PDE7B: variants seen among roughly 807,000 people sequenced by gnomAD.
PDE7B encodes phosphodiesterase 7B, also known as 3',5'-cyclic-AMP phosphodiesterase 7B.
A neutral mutation model predicts 56.2 loss-of-function variants in PDE7B; 29 were observed. That is an observed-to-expected ratio of 0.52 (90% CI 0.38 to 0.70). The LOEUF is 0.70. Ranked by LOEUF, PDE7B falls within the 30% of genes least tolerant of loss-of-function variation. The pLI, the probability that PDE7B is intolerant of heterozygous loss-of-function variation, is 0.00. For missense variants in PDE7B, 490 were observed against 565.0 expected (o/e 0.87, Z 1.35); for synonymous variants, 197 against 196.9 (o/e 1.00, Z 0.00).
At chr6:135,986,240 G>A (rs1437368731) in intron 2 of PDE7B, among the ~76,000 whole-genome samples, 1 of 152,178 alleles carries the variant, frequency 6.6e-6, no homozygotes, top group African/African-American at 2.4e-5. Context: ...TGAAATGAGA[G>A]TAATTTCAGT....
chr6:136,037,440 A>G lies in PDE7B; in HGVS notation c.83-71291A>G, dbSNP rs529621098. 38 of 985,326 alleles carry G rather than the reference A, an allele frequency of 3.9e-5. No homozygotes were observed. In the South Asian group the frequency reaches 1.4e-3, roughly 35 times the overall value. The allele number at this position is 985,326 out of a possible 1,614,324, so 61.0% of individuals were successfully genotyped here. Reference sequence around the variant, plus strand: ...ATAGGTTTGCCGAGAACCAAATGACACAAGGGGGAGGGATGTGGAGAAGGA... The same window carrying G: ...ATAGGTTTGCCGAGAACCAAATGACGCAAGGGGGAGGGATGTGGAGAAGGA... On this transcript the variant is annotated intron_variant, in intron 2 of 12. Transcript: ENST00000308191.
chr6:136,175,789 T>C (rs1778967308), intron 9 of PDE7B, among the ~76,000 whole-genome samples: 1 of 152,132 alleles, frequency 6.6e-6, no homozygotes, highest in Non-Finnish European at 1.5e-5. Context: ...AGGAAGTATT[T>C]GTAGATAAAA....
At chr6:135,865,490 A>G (rs906515046) in intron 1 of PDE7B, among the ~76,000 whole-genome samples, 3 of 152,164 alleles carry the variant, frequency 2.0e-5, no homozygotes, top group Non-Finnish European at 4.4e-5. Flanking sequence ...GCAAATCATT[A>G]TAAAACTTTT....
At chr6:136,003,114 C>A (rs1278030912) in intron 2 of PDE7B, among the ~76,000 whole-genome samples, 4 of 152,092 alleles carry the variant, frequency 2.6e-5, no homozygotes, top group South Asian at 4.2e-4. Context: ...GGGTACATAA[C>A]GAAATGAAGG....
At chr6:135,953,114 A>AT (rs1774729079) in intron 2 of PDE7B, among the ~76,000 whole-genome samples, 1 of 152,130 alleles carries the variant, frequency 6.6e-6, no homozygotes, top group African/African-American at 2.4e-5. Flanking sequence ...ATATTATAGT[A>AT]TTTTATTAAG....
Position 136,192,085 on chromosome 6 carries a change from A to T in PDE7B, c.*245A>T, listed in dbSNP as rs911800971. 9 of 519,742 alleles carry T rather than the reference A, an allele frequency of 1.7e-5. No individual in the cohort carries two copies. Among genetic ancestry groups the T allele is most frequent in the Middle Eastern group, 5.3e-4 (1 of 1,890 alleles). The allele number at this position is 519,742 out of a possible 1,614,324, so 32.2% of individuals were successfully genotyped here. ...ATTCAGTAACGTGGGAGCTGATCCC[A>T]CGGGCAGGCTCTCCCTGCTCCAGGA... is the stretch of plus-strand genomic sequence containing the variant. On this transcript the variant is annotated 3_prime_UTR_variant, in exon 13 of 13. Coordinates refer to ENST00000308191, the MANE Select transcript of PDE7B (RefSeq NM_018945.4).
Position 136,190,939 on chromosome 6 carries a change from G to A in PDE7B, c.1127-675G>A, listed in dbSNP as rs76948796. 6.3e-3 allele frequency among the ~76,000 whole-genome samples: 954 copies of A among 150,358 alleles called. 27 individuals are homozygous for A. The highest frequency in any genetic ancestry group is 0.05 in the East Asian group (254 of 5,062). The stretch of plus-strand genomic sequence containing the variant: ...TGAATTATGCAGCTGATCTAAATTC[G>A]TGAGGTGTCCTTTTCTGGTGTCATT... On this transcript the variant is annotated intron_variant, in intron 12 of 12. Transcript: ENST00000308191.
chr6:136,080,838 TATGGCG>T (rs1187928197), intron 2 of PDE7B, among the ~76,000 whole-genome samples: 3 of 152,116 alleles, frequency 2.0e-5, no homozygotes, highest in Admixed American at 2.0e-4. Flanking sequence ...AGAAGCAAGA[TATGGCG>T]ATGAATGCTA....
At chr6:136,005,123 A>G (rs2128206502) in intron 2 of PDE7B, among the ~76,000 whole-genome samples, 1 of 152,194 alleles carries the variant, frequency 6.6e-6, no homozygotes, top group South Asian at 2.1e-4. Context: ...CTATTTAATA[A>G]ATGGTGCTGG....
At chr6:136,190,017 T>C (rs2128452617) in intron 12 of PDE7B, among the ~76,000 whole-genome samples, 1 of 152,356 alleles carries the variant, frequency 6.6e-6, no homozygotes, top group South Asian at 2.1e-4. Flanking sequence ...TTTTAAAATG[T>C]TGGATATTTA....
intron 1 of PDE7B, among the ~76,000 whole-genome samples, chr6:135,853,302 G>A (rs969918608): frequency 2.0e-5 from 3 of 152,104 alleles, no homozygotes; most frequent in Non-Finnish European, 4.4e-5. Flanking sequence ...AAAATTAACT[G>A]CATAAGACTG....
At chr6:135,895,139 AAG>A (rs1775875424) in intron 1 of PDE7B, among the ~76,000 whole-genome samples, 1 of 152,156 alleles carries the variant, frequency 6.6e-6, no homozygotes, top group African/African-American at 2.4e-5. Flanking sequence ...ATAAAAAAAA[AAG>A]GAGTTAGATA....
chr6:135,962,889 G>A (rs1774931046), intron 2 of PDE7B, among the ~76,000 whole-genome samples: 2 of 152,252 alleles, frequency 1.3e-5, no homozygotes, highest in South Asian at 2.1e-4. Context: ...AGATCAACAT[G>A]CCACCCATTG....
At chr6:135,996,896 C>A (rs865941450) in intron 2 of PDE7B, among the ~76,000 whole-genome samples, 1 of 152,092 alleles carries the variant, frequency 6.6e-6, no homozygotes, top group African/African-American at 2.4e-5. Flanking sequence ...CACAGGGATG[C>A]TGTGAAGATT....
chr6:136,131,960 T>C (rs1410394087), intron 3 of PDE7B, among the ~76,000 whole-genome samples: 1 of 152,214 alleles, frequency 6.6e-6, no homozygotes, highest in Non-Finnish European at 1.5e-5. Context: ...TAAACACTCG[T>C]ATTTATGAAT....
intron 2 of PDE7B, among the ~76,000 whole-genome samples, chr6:136,049,793 A>C (rs1045869560): frequency 5.3e-5 from 8 of 152,206 alleles, no homozygotes; most frequent in African/African-American, 1.7e-4. Context: ...GAAACAGAAA[A>C]AGACATTAGT....
rs1389505470 is a variant in PDE7B, at chr6:136,193,834, T to C, written c.*1994T>C. ...AGGTTCAGGGGAAATTTTGGAAAGT[T>C]GGTTGTATTTTCATTGAAGTAGGAG... On this transcript the variant is annotated 3_prime_UTR_variant, in exon 13 of 13. Transcript: ENST00000308191. The C allele has an allele frequency of 6.6e-6, 1 of 152,184 alleles. No individual in the cohort carries two copies. Among genetic ancestry groups the C allele is most frequent in the Admixed American group, 6.5e-5 (1 of 15,282 alleles). The allele number at this position is 152,184 out of a possible 1,614,324, so 9.4% of individuals were successfully genotyped here.
chr6:136,070,159 A>G (rs1562485480), intron 2 of PDE7B: 1 of 151,158 alleles, frequency 6.6e-6, no homozygotes, highest in Non-Finnish European at 1.5e-5. Context: ...AAAAAAAAAA[A>G]CAGAAGATTT....
chr6:135,938,613 A>C (rs547757193), intron 1 of PDE7B, among the ~76,000 whole-genome samples: 1 of 152,194 alleles, frequency 6.6e-6, no homozygotes, highest in Non-Finnish European at 1.5e-5. Flanking sequence ...TTGCACAATG[A>C]AAGAGGCTGT....
Sources: allele counts gnomAD v4.1 joint callset (sites outside exome capture counted in the v4.1 genomes callset), GRCh38; gene constraint gnomAD v4.1.1; transcripts MANE v1.5; gene names NCBI Gene and HGNC (gene_info 2026-07-23, HGNC 2026-07-21).